Variants in SNX30 observed in about 807,000 individuals in gnomAD.
SNX30 encodes the protein sorting nexin-30.
Under a neutral mutation model 46.4 loss-of-function variants are expected in SNX30, and 24 were observed. The ratio of observed to expected loss-of-function variants is 0.52; its 90% confidence interval spans 0.37 to 0.73. The LOEUF is 0.73. Among genes scored for constraint, SNX30 ranks in the 30% least tolerant of loss-of-function variants. The pLI, the probability that SNX30 is intolerant of heterozygous loss-of-function variation, is 0.00. For missense variants in SNX30, 533 were observed against 555.7 expected, an observed-to-expected ratio of 0.96 and a Z score of 0.41; for synonymous variants, 189 against 211.5, an observed-to-expected ratio of 0.89 and a Z score of 0.92.
chr9:112,855,836 G>A (rs954201702), intron 7 of SNX30, among the ~76,000 whole-genome samples: 1 of 152,124 alleles, frequency 6.6e-6, no homozygotes, highest in African/African-American at 2.4e-5. Context: ...TACTTAGCAG[G>A]GGCTGGCTGC....
At position 112,751,043 on chromosome 9, in the gene SNX30, C is replaced by T. The variant is rs539062226; in HGVS notation, c.42C>T (p.Pro14=). The change falls in exon 1 of 9, where the codon CCC becomes CCT. Residue 14 remains proline (P), a synonymous_variant. Coordinates refer to ENST00000374232, the MANE Select transcript of SNX30 (RefSeq NM_001012994.2). ...GPPKALPSTG[P]HSLRDMPHPL... is the part of the protein sequence containing the mutation. ...CCAAGGCCCTGCCGTCCACGGGGCC[C>T]CACTCCCTGCGCGACATGCCGCACC... 7.0e-4 allele frequency: 1,033 copies of T among 1,483,286 alleles called. 1 individual carries two copies. The highest frequency in any genetic ancestry group is 6.3e-4 in the Non-Finnish European group (711 of 1,122,370). 91.9% of individuals were successfully genotyped at this position (1,483,286 alleles called of 1,614,324 possible).
Position 112,880,008 on chromosome 9 carries a change from C to A in SNX30, n.3360C>A, listed in dbSNP as rs116329979. 2,279 of 501,362 alleles carry A rather than the reference C, an allele frequency of 4.5e-3. 40 individuals carry two copies. The highest frequency in any genetic ancestry group is 0.038 in the African/African-American group (1,985 of 52,446). 31.1% of individuals were successfully genotyped at this position (501,362 alleles called of 1,614,324 possible). On this transcript the variant is annotated non_coding_transcript_exon_variant, in exon 5 of 6. Transcript: ENST00000604751. The stretch of plus-strand genomic sequence containing the variant: ...CTGCTAGCTAAAAGGAGCATGTTGA[C>A]CATTTGCTTCCCCATTGTTCCTTTA...
chr9:112,823,494 C>T (rs1010013439), intron 3 of SNX30, among the ~76,000 whole-genome samples: 1 of 152,200 alleles, frequency 6.6e-6, no homozygotes, highest in Non-Finnish European at 1.5e-5. Context: ...ACTAGTTACA[C>T]AGCAGAGCAA....
chr9:112,817,688 C>A lies in SNX30; in HGVS notation c.349-17C>A. The A allele has an allele frequency of 6.8e-7, 1 of 1,460,338 alleles. No individual in the cohort carries two copies. Among genetic ancestry groups the A allele is most frequent in the Non-Finnish European group, 9.6e-7 (1 of 1,041,652 alleles). 90.5% of individuals were successfully genotyped at this position (1,460,338 alleles called of 1,614,324 possible). ...CTATTCCCTTATGCTTATTTTTTTC[C>A]ATTCTCTTCTTTGCAGAGTACTCGG... On this transcript the variant is annotated splice_polypyrimidine_tract_variant and intron_variant, in intron 2 of 8. Transcript: ENST00000374232.
chr9:112,791,119 C>T (rs4979148), intron 1 of SNX30, among the ~76,000 whole-genome samples: 132,681 of 152,066 alleles, frequency 0.87, 58,084 homozygotes, highest in Middle Eastern at 0.91. Flanking sequence ...TGTATATTCA[C>T]AGGGTTGTGC....
chr9:112,843,311 A>G (rs1371283973), intron 6 of SNX30, among the ~76,000 whole-genome samples: 5 of 152,202 alleles, frequency 3.3e-5, no homozygotes, highest in Non-Finnish European at 4.4e-5. Context: ...ATCTATGTCA[A>G]TACGCATGCT....
At chr9:112,797,992 G>A (rs551994725) in intron 1 of SNX30, among the ~76,000 whole-genome samples, 27 of 150,664 alleles carry the variant, frequency 1.8e-4, no homozygotes, top group Middle Eastern at 6.8e-3. Context: ...AATTACAGGC[G>A]TGAGGCACTG....
intron 6 of SNX30, among the ~76,000 whole-genome samples, chr9:112,844,265 G>A (rs548293758): frequency 3.3e-5 from 5 of 152,186 alleles, no homozygotes; most frequent in Admixed American, 6.5e-5. Flanking sequence ...TTATTGGGAC[G>A]GGGAGGGTCC....
chr9:112,840,826 C>A (rs983441240), intron 6 of SNX30, among the ~76,000 whole-genome samples: 1 of 150,254 alleles, frequency 6.7e-6, no homozygotes, highest in Non-Finnish European at 1.5e-5. Flanking sequence ...GTCACCCAGG[C>A]TGGAGTGCAG....
intron 1 of SNX30, among the ~76,000 whole-genome samples, chr9:112,771,529 A>T (rs1406045239): frequency 1.3e-5 from 2 of 152,166 alleles, no homozygotes; most frequent in Non-Finnish European, 2.9e-5. Flanking sequence ...CCAGCCTTGG[A>T]AGGATGCAGC....
At chr9:112,770,630 C>T (rs1047524310) in intron 1 of SNX30, among the ~76,000 whole-genome samples, 99 of 152,174 alleles carry the variant, frequency 6.5e-4, no homozygotes, top group African/African-American at 2.2e-3. Context: ...TGCCTCACGC[C>T]TTTTGGCCCA....
chr9:112,777,921 T>C (rs1279450458), intron 1 of SNX30, among the ~76,000 whole-genome samples: 1 of 152,180 alleles, frequency 6.6e-6, no homozygotes, highest in Non-Finnish European at 1.5e-5. Flanking sequence ...ACTAAGTAGG[T>C]TAAAACACAA....
chr9:112,823,750 C>T (rs377306221), intron 3 of SNX30, among the ~76,000 whole-genome samples: 4 of 151,798 alleles, frequency 2.6e-5, no homozygotes, highest in African/African-American at 9.7e-5. Flanking sequence ...ATAATAAAAA[C>T]TCCATTTTCT....
chr9:112,843,455 C>T (rs535276795), intron 6 of SNX30, among the ~76,000 whole-genome samples: 19 of 151,826 alleles, frequency 1.3e-4, no homozygotes, highest in East Asian at 1.2e-3. Flanking sequence ...GCGCAAGGGT[C>T]GGAGGATGGA....
chr9:112,775,158 T>C (rs554225229), intron 1 of SNX30, among the ~76,000 whole-genome samples: 59 of 148,586 alleles, frequency 4.0e-4, no homozygotes, highest in South Asian at 1.9e-3. Flanking sequence ...TTCTTTCTTT[T>C]TTTTTTTTTT....
intron 8 of SNX30, chr9:112,866,593 T>C (rs1841348219): frequency 2.1e-6 from 1 of 467,302 alleles, no homozygotes; most frequent in Admixed American, 2.4e-5. Context: ...TAGCTTCCTC[T>C]CTAACCTCAG....
intron 1 of SNX30, among the ~76,000 whole-genome samples, chr9:112,798,109 T>C (rs1394135515): frequency 9.5e-6 from 1 of 105,366 alleles, no homozygotes; most frequent in East Asian, 2.8e-4. Flanking sequence ...TGAGGTTTGT[T>C]TTTTTTTTTT....
intron 1 of SNX30, among the ~76,000 whole-genome samples, chr9:112,754,896 C>T (rs1211129887): frequency 6.6e-6 from 1 of 152,202 alleles, no homozygotes; most frequent in African/African-American, 2.4e-5. Context: ...TCCTCAATCT[C>T]TTCTCTGAAC....
chr9:112,882,120 T>TA (rs1295075935), downstream of SNX30, among the ~76,000 whole-genome samples: 1 of 152,148 alleles, frequency 6.6e-6, no homozygotes, highest in Non-Finnish European at 1.5e-5. Context: ...TTTTGTTTCT[T>TA]TTTTGAGACA....
Sources: allele counts gnomAD v4.1 joint callset (sites outside exome capture counted in the v4.1 genomes callset), GRCh38; gene constraint gnomAD v4.1.1; transcripts MANE v1.5; gene names NCBI Gene and HGNC (gene_info 2026-07-23, HGNC 2026-07-21).